AGAP1: variants seen among roughly 807,000 people sequenced by gnomAD.
AGAP1 encodes the protein ArfGAP with GTPase domain, ankyrin repeat and PH domain 1.
A neutral mutation model predicts 105.3 loss-of-function variants in AGAP1; 29 were observed. The ratio of observed to expected loss-of-function variants is 0.28; its 90% confidence interval spans 0.21 to 0.38. AGAP1 has a LOEUF of 0.38. Ranked by LOEUF, AGAP1 falls within the 10% of genes least tolerant of loss-of-function variation. The pLI is 1.00. For missense variants in AGAP1, 998 were observed against 1,165.1 expected, an observed-to-expected ratio of 0.86 and a Z score of 2.09; for synonymous variants, 509 against 485.9, an observed-to-expected ratio of 1.05 and a Z score of -0.63.
chr2:235,671,003 C>T (rs1005994206), intron 1 of AGAP1: 42 of 1,322,838 alleles, frequency 3.2e-5, no homozygotes, highest in Non-Finnish European at 3.9e-5. Flanking sequence ...GCGGCGGGCC[C>T]CGGCCGAAGC....
intron 6 of AGAP1, among the ~76,000 whole-genome samples, chr2:235,785,361 C>G (rs1026769908): frequency 6.6e-6 from 1 of 152,108 alleles, no homozygotes; most frequent in Non-Finnish European, 1.5e-5. Context: ...AGTTGTTAAG[C>G]CTATATTAAT....
Position 235,882,369 on chromosome 2 carries a change from A to G in AGAP1, c.1051-976A>G. 6.8e-7 allele frequency: 1 copy of G among 1,466,024 alleles called. No individual in the cohort carries two copies. 90.8% of individuals were successfully genotyped at this position (1,466,024 alleles called of 1,614,324 possible). ...AGGAAATCCTCCGGGCTCTTAGGAAATTTCACTCCGCTTCTGCCCAGTGGT... is the reference window on the plus strand; with the variant it reads ...AGGAAATCCTCCGGGCTCTTAGGAAGTTTCACTCCGCTTCTGCCCAGTGGT... On this transcript the variant is annotated intron_variant, in intron 9 of 17. Coordinates refer to ENST00000304032, the MANE Select transcript of AGAP1 (RefSeq NM_001037131.3). The surrounding 1 kb of genome is among the most constrained non-coding windows in gnomAD (Gnocchi z 4.6).
At chr2:236,043,772 A>G (rs1171796764) in intron 15 of AGAP1, among the ~76,000 whole-genome samples, 5 of 152,092 alleles carry the variant, frequency 3.3e-5, no homozygotes, top group East Asian at 1.9e-4. Context: ...AAGAAACTTC[A>G]TAATGTGTTG....
intron 1 of AGAP1, among the ~76,000 whole-genome samples, chr2:235,638,003 G>A (rs536158725): frequency 6.6e-6 from 1 of 152,216 alleles, no homozygotes; most frequent in African/African-American, 2.4e-5. Flanking sequence ...ATCTTTACTC[G>A]TTCTACTGAT....
chr2:235,538,460 T>TGTGTGTGTGTGCGTGC (rs1553561884), intron 1 of AGAP1, among the ~76,000 whole-genome samples: 10 of 150,446 alleles, frequency 6.6e-5, no homozygotes, highest in African/African-American at 2.5e-4. Flanking sequence ...TGTGTGTGTG[T>TGTGTGTGTGTGCGTGC]GCATGCTTGT....
rs552062298 is a variant in AGAP1 at position 235,704,859 on chromosome 2, A to G, written c.164-4320A>G. The stretch of plus-strand genomic sequence containing the variant: ...GCTGTGTCCAGAGGCAGCAGCAGGG[A>G]GAACCTGTCCTGAAGGGCTGCAGTG... On this transcript the variant is annotated intron_variant, in intron 1 of 17. Coordinates refer to ENST00000304032, the MANE Select transcript of AGAP1 (RefSeq NM_001037131.3). Among the ~76,000 whole-genome samples the G allele has an allele frequency of 3.9e-5, 6 of 151,918 alleles. No homozygotes were observed. The East Asian group carries it at 1.2e-3, about 30-fold the overall frequency.
chr2:235,824,235 T>C lies in AGAP1; in HGVS notation c.1050+16904T>C, dbSNP rs756193071. ...CGGTACAGCTAGGCCTTCTGTGAGA[T>C]CCCTTTCCCCTTAATACAGAAATCC... On this transcript the variant is annotated intron_variant, in intron 9 of 17. Transcript: ENST00000304032. This position sits in a 1 kb window ranked among gnomAD's most constrained non-coding sequence, Gnocchi z 5.2. 2.0e-5 allele frequency among the ~76,000 whole-genome samples: 3 copies of C among 152,236 alleles called. No homozygotes were observed. The highest frequency in any genetic ancestry group is 7.2e-5 in the African/African-American group (3 of 41,468).
At position 235,601,244 on chromosome 2, in the gene AGAP1, T is replaced by C. The variant is rs1014618551; in HGVS notation, c.163+106395T>C. On this transcript the variant is annotated intron_variant, in intron 1 of 17. Coordinates refer to ENST00000304032, the MANE Select transcript of AGAP1 (RefSeq NM_001037131.3). This position sits in a 1 kb window ranked among gnomAD's most constrained non-coding sequence, Gnocchi z 4.4. ...GCCCCTCTTTCTGGCTTGCAGATAG[T>C]TCCTCCTTACTGTGTCCTCTCTGTG... 6.6e-6 allele frequency among the ~76,000 whole-genome samples: 1 copy of C among 152,156 alleles called. No individual in the cohort carries two copies. The highest frequency in any genetic ancestry group is 2.4e-5 in the African/African-American group (1 of 41,440).
rs953736099 is a variant in AGAP1, at chr2:235,739,784, G to C, written c.311-1179G>C. Among the ~76,000 whole-genome samples the C allele has an allele frequency of 7.2e-5, 11 of 152,202 alleles. No individual in the cohort carries two copies. Among genetic ancestry groups the C allele is most frequent in the African/African-American group, 2.7e-4 (11 of 41,464 alleles). ...CTCGGACACTTTCAGGCTGGGATGGGGACTCTGATTTTTTGCTTCTCAGGC... is the reference window on the plus strand; with the variant it reads ...CTCGGACACTTTCAGGCTGGGATGGCGACTCTGATTTTTTGCTTCTCAGGC... On this transcript the variant is annotated intron_variant, in intron 3 of 17. Transcript: ENST00000304032. This position sits in a 1 kb window ranked among gnomAD's most constrained non-coding sequence, Gnocchi z 5.3.
At chr2:235,873,514 G>T (rs2049548263) in intron 9 of AGAP1, among the ~76,000 whole-genome samples, 1 of 151,748 alleles carries the variant, frequency 6.6e-6, no homozygotes, top group South Asian at 2.1e-4. Context: ...TTTTTTAAAG[G>T]TTTACATGTA....
At chr2:235,790,469 A>G (rs1418190976) in intron 6 of AGAP1, among the ~76,000 whole-genome samples, 8 of 152,026 alleles carry the variant, frequency 5.3e-5, no homozygotes, top group Middle Eastern at 3.4e-3. Flanking sequence ...CGCTCCCCAC[A>G]CCCCTGCACA....
At chr2:235,497,350 C>T (rs1208390073) in intron 1 of AGAP1, among the ~76,000 whole-genome samples, 2 of 152,200 alleles carry the variant, frequency 1.3e-5, no homozygotes, top group Non-Finnish European at 2.9e-5. Context: ...GCAGAGGGCT[C>T]CCTGCAGGGG....
intron 10 of AGAP1, among the ~76,000 whole-genome samples, chr2:235,884,168 A>G (rs1479574176): frequency 6.6e-6 from 1 of 151,838 alleles, no homozygotes; most frequent in Non-Finnish European, 1.5e-5. Flanking sequence ...TGTGTAGATT[A>G]GAATATATGG....
Position 235,725,941 on chromosome 2 carries a change from T to A in AGAP1, c.310+8297T>A, listed in dbSNP as rs965527145. 1.3e-5 allele frequency among the ~76,000 whole-genome samples: 2 copies of A among 152,232 alleles called. No individual in the cohort carries two copies. Among genetic ancestry groups the A allele is most frequent in the South Asian group, 4.1e-4 (2 of 4,826 alleles). On this transcript the variant is annotated intron_variant, in intron 3 of 17. Transcript: ENST00000304032. This position sits in a 1 kb window ranked among gnomAD's most constrained non-coding sequence, Gnocchi z 5.7. ...AAAGGGAAGCATGTTCTGTTTCATT[T>A]TGAGCAAGAAAAAAAGCCGTAAAAT...
At chr2:235,925,907 A>G (rs1304008418) in intron 11 of AGAP1, among the ~76,000 whole-genome samples, 1 of 152,240 alleles carries the variant, frequency 6.6e-6, no homozygotes, top group Non-Finnish European at 1.5e-5. Flanking sequence ...AGAACTTCAG[A>G]CCTTCAGCCT....
chr2:235,854,818 G>C (rs191404574), intron 9 of AGAP1, among the ~76,000 whole-genome samples: 7 of 152,330 alleles, frequency 4.6e-5, no homozygotes, highest in Non-Finnish European at 7.3e-5. Context: ...TCATAGAGGA[G>C]TTAATGGAGC....
intron 11 of AGAP1, among the ~76,000 whole-genome samples, chr2:235,925,319 G>T (rs74923132): frequency 1.8e-4 from 27 of 151,988 alleles, no homozygotes; most frequent in African/African-American, 6.3e-4. Flanking sequence ...ACGATGGTGC[G>T]CAGAGTTTTC....
In AGAP1 at chr2:235,906,953, T is replaced by C. The variant is rs188200082; in HGVS notation, c.1156-1785T>C. The stretch of plus-strand genomic sequence containing the variant: ...ATCTCTTGAATCCGGAAGGCAGAGG[T>C]TACAGTGAGCTGAGTTCATGCCACT... On this transcript the variant is annotated intron_variant, in intron 10 of 17. Coordinates refer to ENST00000304032, the MANE Select transcript of AGAP1 (RefSeq NM_001037131.3). This position sits in a 1 kb window ranked among gnomAD's most constrained non-coding sequence, Gnocchi z 5.3. 6.6e-5 allele frequency among the ~76,000 whole-genome samples: 10 copies of C among 152,196 alleles called. No individual in the cohort carries two copies. The highest frequency in any genetic ancestry group is 1.3e-4 in the Non-Finnish European group (9 of 68,018).
At chr2:235,593,964 C>A (rs1945435158) in intron 1 of AGAP1, among the ~76,000 whole-genome samples, 1 of 151,924 alleles carries the variant, frequency 6.6e-6, no homozygotes, top group African/African-American at 2.4e-5. Flanking sequence ...GCAAGCAAGA[C>A]CCTGTCTCAA....
Sources: allele counts gnomAD v4.1 joint callset (sites outside exome capture counted in the v4.1 genomes callset), GRCh38; gene constraint gnomAD v4.1.1; non-coding constraint Gnocchi (gnomAD v3.1); transcripts MANE v1.5; gene names NCBI Gene and HGNC (gene_info 2026-07-23, HGNC 2026-07-21).